The following HS6ST2 variants were observed in gnomAD, a reference collection of about 807,000 sequenced individuals.
HS6ST2 encodes heparan-sulfate 6-O-sulfotransferase 2.
In HS6ST2, 17 loss-of-function variants were observed where a neutral mutation model predicts 33.0. The observed-to-expected ratio is 0.52, with a 90% CI of 0.35 to 0.77. The LOEUF is 0.77. Ranked by LOEUF, HS6ST2 falls within the 30% of genes least tolerant of loss-of-function variation. HS6ST2 has a pLI of 0.01. For synonymous variants in HS6ST2, 248 were observed against 237.1 expected (o/e 1.05, Z -0.42); for missense variants, 519 against 551.7 (o/e 0.94, Z 0.59).
chrX:132,634,242 A>C (rs912177311), intron 4 of HS6ST2, among the ~76,000 whole-genome samples: 1 of 112,088 alleles, frequency 8.9e-6, no homozygotes, highest in African/African-American at 3.2e-5. Context: ...GGTGAGAGCA[A>C]GTCTCTGATA....
chrX:132,724,056 C>G (rs966837721), intron 2 of HS6ST2, among the ~76,000 whole-genome samples: 1 of 111,671 alleles, frequency 9.0e-6, no homozygotes, highest in African/African-American at 3.3e-5. Flanking sequence ...AGGAGAATGG[C>G]GTGAACCTGG....
chrX:132,705,186 CGCGTGTGTGT>C (rs2064179451), intron 3 of HS6ST2, among the ~76,000 whole-genome samples: 1 of 81,336 alleles, frequency 1.2e-5, no homozygotes. Flanking sequence ...GATGTGGGCA[CGCGTGTGTGT>C]GTGTGTGTGT....
intron 4 of HS6ST2, among the ~76,000 whole-genome samples, chrX:132,662,720 G>A (rs953384080): frequency 1.3e-4 from 15 of 112,565 alleles, no homozygotes; most frequent in African/African-American, 4.8e-4. Context: ...TCACAGAGAT[G>A]CAGGTGAACT....
chrX:132,913,443 G>A (rs1413735687), intron 2 of HS6ST2, among the ~76,000 whole-genome samples: 1 of 112,795 alleles, frequency 8.9e-6, no homozygotes, highest in Non-Finnish European at 1.9e-5. Context: ...CTTTGAGGTT[G>A]TTGGCATCCC....
At chrX:132,787,417 C>T (rs1354060470) in intron 2 of HS6ST2, among the ~76,000 whole-genome samples, 10 of 98,129 alleles carry the variant, frequency 1.0e-4, no homozygotes, top group Admixed American at 2.3e-4. Context: ...CTCAGCCTCC[C>T]AAGTAGCTGG....
intron 2 of HS6ST2, among the ~76,000 whole-genome samples, chrX:132,784,897 G>C (rs916786374): frequency 1.8e-5 from 2 of 111,572 alleles, no homozygotes; most frequent in Non-Finnish European, 3.8e-5. Context: ...GGTGCCAGAC[G>C]TGTCCCTTGG....
chrX:132,920,845 G>A (rs1052983670), intron 2 of HS6ST2, among the ~76,000 whole-genome samples: 1 of 112,239 alleles, frequency 8.9e-6, no homozygotes, highest in African/African-American at 3.2e-5. Context: ...AGTACTCTAA[G>A]CTCTTGGCTC....
At chrX:132,777,493 C>T (rs1411048503) in intron 2 of HS6ST2, among the ~76,000 whole-genome samples, 1 of 110,377 alleles carries the variant, frequency 9.1e-6, no homozygotes, top group African/African-American at 3.3e-5. Context: ...TGCAGTGGCA[C>T]GATCTTGGCT....
At chrX:132,696,625 A>G (rs943491530) in intron 3 of HS6ST2, among the ~76,000 whole-genome samples, 2 of 111,616 alleles carry the variant, frequency 1.8e-5, no homozygotes. Flanking sequence ...TGGGAAATTA[A>G]CCTTGGTTTG....
At chrX:132,685,413 C>T (rs2064009565) in intron 3 of HS6ST2, among the ~76,000 whole-genome samples, 1 of 111,729 alleles carries the variant, frequency 9.0e-6, no homozygotes, top group Non-Finnish European at 1.9e-5. Flanking sequence ...GAAGGAGAAC[C>T]ATGCTCATAG....
intron 2 of HS6ST2, among the ~76,000 whole-genome samples, chrX:132,781,347 G>C: frequency 8.9e-6 from 1 of 111,886 alleles, no homozygotes; most frequent in Non-Finnish European, 1.9e-5. Flanking sequence ...CAGAAAATAA[G>C]AGAAAGCTTC....
At chrX:132,825,884 T>C (rs2065513381) in intron 2 of HS6ST2, among the ~76,000 whole-genome samples, 1 of 112,229 alleles carries the variant, frequency 8.9e-6, no homozygotes, top group Non-Finnish European at 1.9e-5. Flanking sequence ...TGTGTCACAA[T>C]GCTTCTGTAG....
intron 2 of HS6ST2, among the ~76,000 whole-genome samples, chrX:132,944,145 A>G (rs1452716650): frequency 1.8e-5 from 2 of 112,079 alleles, no homozygotes; most frequent in Non-Finnish European, 3.8e-5. Context: ...TAAGCTGATA[A>G]GCAACTTCAG....
chrX:132,629,080 T>C lies in HS6ST2; in HGVS notation c.1081A>G (p.Ile361Val). 1 of 1,196,050 alleles carries C rather than the reference T, an allele frequency of 8.4e-7. No homozygotes were observed. The highest frequency in any genetic ancestry group is 1.8e-5 in the South Asian group (1 of 54,487). ...TSKSGKNFHYITILRDPVSRY... is the reference protein window; with the variant it reads ...TSKSGKNFHYVTILRDPVSRY... ...GACACTGGGTCTCGGAGGATGGTGA[T>C]GTAGTGGAAGTTCCTATGGATGAAG... The change falls in exon 5 of 5, where the codon ATC becomes GTC. Residue 361 changes from isoleucine to valine, a missense_variant. Transcript: ENST00000370833.
chrX:132,915,707 CAT>C (rs760137024), intron 2 of HS6ST2, among the ~76,000 whole-genome samples: 4 of 109,700 alleles, frequency 3.6e-5, no homozygotes, highest in Non-Finnish European at 7.6e-5. Context: ...GCTATAGTAA[CAT>C]AAAATGTTCT....
Position 132,708,467 on chromosome X carries a change from T to C in HS6ST2, c.975A>G (p.Ala325=), listed in dbSNP as rs143752287. ...SRWRIFQILD[A]ASKDKRGSPN... is the part of the protein sequence containing the mutation. ...AAAAATACATTGTTACTTACCTTGC[T>C]GCATCTAGAATCTGAAAAATCCTCC... Residue 325 remains alanine, a synonymous_variant, in exon 3 of 5, where the codon GCA becomes GCG. Coordinates refer to ENST00000370833, the MANE Select transcript of HS6ST2 (RefSeq NM_001394073.1). 1.9e-3 allele frequency: 2,239 copies of C among 1,177,683 alleles called. 31 individuals carry two copies. The African/African-American group carries it at 0.034, about 18-fold the overall frequency.
intron 2 of HS6ST2, among the ~76,000 whole-genome samples, chrX:132,876,703 T>C (rs1465633766): frequency 9.0e-6 from 1 of 110,559 alleles, no homozygotes; most frequent in East Asian, 2.9e-4. Context: ...AGTGAGTGAC[T>C]GCTAAGGAAT....
chrX:132,839,611 A>G (rs2065688661), intron 2 of HS6ST2, among the ~76,000 whole-genome samples: 1 of 110,200 alleles, frequency 9.1e-6, no homozygotes, highest in African/African-American at 3.3e-5. Flanking sequence ...CATCATTCCA[A>G]TGATGATTAC....
intron 3 of HS6ST2, among the ~76,000 whole-genome samples, chrX:132,683,627 C>T (rs1057103149): frequency 4.5e-5 from 5 of 111,516 alleles, no homozygotes; most frequent in South Asian, 7.7e-4. Context: ...AAATGCATGC[C>T]GCTATTTGCC....
Sources: gnomAD v4.1 joint callset for allele counts (sites outside exome capture counted in the v4.1 genomes callset) on GRCh38, gnomAD v4.1.1 for gene constraint, MANE v1.5 for transcripts, NCBI Gene and HGNC (gene_info 2026-07-23, HGNC 2026-07-21) for gene names.